MAGI1: variants seen among roughly 807,000 people sequenced by gnomAD.
MAGI1 encodes membrane-associated guanylate kinase, WW and PDZ domain-containing protein 1.
MAGI1 carries 58 observed loss-of-function variants against 139.9 expected under a neutral mutation model. That is an observed-to-expected ratio of 0.41 (90% CI 0.34 to 0.52). MAGI1 has a LOEUF of 0.52. MAGI1 is among the 20% of genes least tolerant of loss of function. The probability of loss-of-function intolerance (pLI) is 0.12; values close to 1 mark genes in which losing one functional copy is unlikely to be tolerated. For missense variants in MAGI1, 1,874 were observed against 1,901.6 expected (o/e 0.99, Z 0.27); for synonymous variants, 812 against 737.9 (o/e 1.10, Z -1.63).
chr3:65,987,356 G>A (rs2065933884), intron 1 of MAGI1, among the ~76,000 whole-genome samples: 1 of 152,112 alleles, frequency 6.6e-6, no homozygotes. Flanking sequence ...CGACCCCTCA[G>A]GGTTGGTATA....
At chr3:65,707,072 T>C (rs2030438449) in intron 1 of MAGI1, among the ~76,000 whole-genome samples, 2 of 152,168 alleles carry the variant, frequency 1.3e-5, no homozygotes, top group South Asian at 4.1e-4. Context: ...GAATGACAGC[T>C]CATTGATCAA....
intron 2 of MAGI1, among the ~76,000 whole-genome samples, chr3:65,572,931 T>C (rs2081021791): frequency 6.6e-6 from 1 of 151,832 alleles, no homozygotes; most frequent in Non-Finnish European, 1.5e-5. Context: ...AGATTGTTTC[T>C]CTCCAACATT....
chr3:65,807,528 A>G (rs1345212573), intron 1 of MAGI1, among the ~76,000 whole-genome samples: 6 of 152,208 alleles, frequency 3.9e-5, no homozygotes, highest in Admixed American at 3.9e-4. Context: ...ACACCATAGC[A>G]GAGGGTGACC....
At position 65,430,817 on chromosome 3, in the gene MAGI1, C is replaced by A. The variant is rs1392361080; in HGVS notation, c.1428G>T (p.Arg476=). 1.2e-6 allele frequency: 2 copies of A among 1,613,530 alleles called. No homozygotes were observed. The highest frequency in any genetic ancestry group is 1.7e-6 in the Non-Finnish European group (2 of 1,179,778). The part of the protein sequence containing the change: ...LKGKFIHTKL[R]KSSRGFGFTV... ...TGAAGCCAAAGCCACGACTGCTTTT[C>A]CGCAGCTTTGTGTGAATGAACTTGC... Residue 476 remains arginine, a synonymous_variant, in exon 11 of 23, where the codon CGG becomes CGT. Coordinates refer to ENST00000402939, the MANE Select transcript of MAGI1 (RefSeq NM_001033057.2).
At chr3:65,959,558 C>CTA (rs1353004151) in intron 1 of MAGI1, among the ~76,000 whole-genome samples, 1 of 150,936 alleles carries the variant, frequency 6.6e-6, no homozygotes, top group Non-Finnish European at 1.5e-5. Context: ...CCTTAGCCTA[C>CTA]TAAGTAGCTG....
chr3:65,502,854 G>T (rs901868727), intron 2 of MAGI1, among the ~76,000 whole-genome samples: 6 of 152,048 alleles, frequency 3.9e-5, no homozygotes, highest in African/African-American at 1.5e-4. Context: ...TGGGTAAGGT[G>T]GTCATGGTGC....
Position 65,382,072 on chromosome 3 carries a change from G to A in MAGI1, c.2509-3C>T, listed in dbSNP as rs757930994. 1 of 1,595,956 alleles carries A rather than the reference G, an allele frequency of 6.3e-7. No individual in the cohort carries two copies. Among genetic ancestry groups the A allele is most frequent in the Non-Finnish European group, 8.6e-7 (1 of 1,169,464 alleles). On this transcript the variant is annotated splice_polypyrimidine_tract_variant and splice_region_variant and intron_variant, in intron 15 of 22. Transcript: ENST00000402939. ...GGTACGATGTGACCAATATAAATCT[G>A]TTGAGTAATTGAACGATGGATGAAA...
At chr3:65,490,694 C>T (rs1951947772) in intron 3 of MAGI1, among the ~76,000 whole-genome samples, 1 of 151,376 alleles carries the variant, frequency 6.6e-6, no homozygotes, top group Non-Finnish European at 1.5e-5. Context: ...AATATAAAAA[C>T]TTAGCCGGGC....
chr3:65,686,184 C>T (rs2088010135), intron 1 of MAGI1, among the ~76,000 whole-genome samples: 2 of 152,178 alleles, frequency 1.3e-5, no homozygotes, highest in South Asian at 4.1e-4. Context: ...CATATCACAC[C>T]TATGAGTCAT....
At chr3:65,645,716 A>T (rs2085222201) in intron 1 of MAGI1, among the ~76,000 whole-genome samples, 1 of 152,134 alleles carries the variant, frequency 6.6e-6, no homozygotes, top group Admixed American at 6.5e-5. Context: ...ACATGGAGGA[A>T]ATATTTCAGA....
At chr3:65,686,246 A>G (rs2107536356) in intron 1 of MAGI1, among the ~76,000 whole-genome samples, 1 of 152,004 alleles carries the variant, frequency 6.6e-6, no homozygotes, top group East Asian at 1.9e-4. Context: ...TTCTCCATAG[A>G]TGGTATCTCT....
At chr3:65,597,925 T>G (rs753259095) in intron 2 of MAGI1, 10,716 of 391,866 alleles carry the variant, frequency 0.027, no homozygotes, top group Non-Finnish European at 0.032. Flanking sequence ...GAGGCGGGGG[T>G]GGGGGGGGGG....
intron 1 of MAGI1, among the ~76,000 whole-genome samples, chr3:65,783,450 C>A (rs1269284706): frequency 6.6e-6 from 1 of 151,646 alleles, no homozygotes; most frequent in Non-Finnish European, 1.5e-5. Context: ...GAGATCAAGA[C>A]AAGCCTGGAC....
intron 7 of MAGI1, among the ~76,000 whole-genome samples, chr3:65,446,884 A>G (rs908414545): frequency 3.9e-5 from 6 of 152,208 alleles, no homozygotes; most frequent in South Asian, 4.1e-4. Context: ...ATGTGCATCA[A>G]TTACAACAGA....
In MAGI1 at chr3:65,515,245, C is replaced by T. The variant is rs778601077; in HGVS notation, c.431-21614G>A. On this transcript the variant is annotated intron_variant, in intron 2 of 22. Coordinates refer to ENST00000402939, the MANE Select transcript of MAGI1 (RefSeq NM_001033057.2). ...TAGTGGGTGCAGCACACCAGCATGG[C>T]GCATGTATACATATGTAACTAACCT... 1.4e-3 allele frequency among the ~76,000 whole-genome samples: 197 copies of T among 140,074 alleles called. 1 individual carries two copies. Among genetic ancestry groups the T allele is most frequent in the Non-Finnish European group, 1.2e-3 (73 of 63,278 alleles). The allele number at this position is 140,074 out of a possible 152,430, so 91.9% of individuals were successfully genotyped here.
rs367575927 is a variant in MAGI1, at chr3:65,788,936, G to A, written c.314-166848C>T. Among the ~76,000 whole-genome samples the A allele has an allele frequency of 5.3e-5, 8 of 152,204 alleles. No individual in the cohort carries two copies. In the East Asian group the frequency reaches 5.8e-4, roughly 11 times the overall value. ...CTTTTGCCTATAATCCCAGTGTTTT[G>A]GGAGGCCAATCCAGGAGAATCCGTT... On this transcript the variant is annotated intron_variant, in intron 1 of 22. Transcript: ENST00000402939.
At chr3:65,775,736 G>T (rs1262252266) in intron 1 of MAGI1, among the ~76,000 whole-genome samples, 2 of 151,844 alleles carry the variant, frequency 1.3e-5, no homozygotes, top group East Asian at 3.9e-4. Context: ...AGCCCCAGGA[G>T]TTCAAGACCA....
At chr3:65,670,389 C>T (rs1335591465) in intron 1 of MAGI1, among the ~76,000 whole-genome samples, 4 of 151,078 alleles carry the variant, frequency 2.6e-5, no homozygotes, top group Non-Finnish European at 4.4e-5. Context: ...TTCATTATTG[C>T]CAACATTGAA....
intron 1 of MAGI1, among the ~76,000 whole-genome samples, chr3:65,830,725 T>C (rs17073918): frequency 0.026 from 3,889 of 152,296 alleles, 150 homozygotes; most frequent in African/African-American, 0.088. Flanking sequence ...TGATGAAACA[T>C]GGGACTGCTT....
Sources: allele counts gnomAD v4.1 joint callset (sites outside exome capture counted in the v4.1 genomes callset), GRCh38; gene constraint gnomAD v4.1.1; transcripts MANE v1.5; gene names NCBI Gene and HGNC (gene_info 2026-07-23, HGNC 2026-07-21).